Variants in SV2B observed in about 807,000 individuals in gnomAD.
The protein encoded by SV2B is solute carrier family 22 member B2.
Under a neutral mutation model 73.9 loss-of-function variants are expected in SV2B, and 41 were observed. The observed-to-expected ratio is 0.56, with a 90% confidence interval of 0.43 to 0.72. The LOEUF (loss-of-function observed/expected upper bound fraction) is 0.72. SV2B is among the 30% of genes least tolerant of loss of function. The probability of loss-of-function intolerance (pLI) is 0.00; values close to 1 mark genes in which losing one functional copy is unlikely to be tolerated. For synonymous variants in SV2B, 314 were observed against 314.2 expected (o/e 1.00, Z 0.01); for missense variants, 764 against 857.8 (o/e 0.89, Z 1.37).
chr15:91,142,871 C>T (rs1425208258), intron 1 of SV2B, among the ~76,000 whole-genome samples: 1 of 152,230 alleles, frequency 6.6e-6, no homozygotes, highest in African/African-American at 2.4e-5. Flanking sequence ...TTTAATTCAA[C>T]AAGAAAATCA....
In SV2B at chr15:91,292,616, T is replaced by G; in HGVS notation, c.*64T>G. 1 of 1,550,408 alleles carries G rather than the reference T, an allele frequency of 6.4e-7. No individual in the cohort carries two copies. The highest frequency in any genetic ancestry group is 8.7e-7 in the Non-Finnish European group (1 of 1,149,602). ...CCAGGACACTGAAATGCATCCACAC[T>G]TCCTGCCTATCACGGTCCGGAGGAC... On this transcript the variant is annotated 3_prime_UTR_variant, in exon 13 of 13. Transcript: ENST00000394232.
intron 9 of SV2B, among the ~76,000 whole-genome samples, chr15:91,270,917 C>CGGATGGTGAGTCCTGTGGAT (rs1567417955): frequency 1.2e-5 from 1 of 85,012 alleles, no homozygotes; most frequent in African/African-American, 5.5e-5. Context: ...GTCCTGTGGA[C>CGGATGGTGAGTCCTGTGGAT]GATGGGAGGA....
chr15:91,296,117 G>C lies in SV2B; in HGVS notation c.*3565G>C, dbSNP rs1459144640. Reference sequence around the variant, plus strand: ...ATGATGCCCTTGCCCATTTTCTACAGACCTAATCGATTTTTACCTAATCAG... The same window carrying C: ...ATGATGCCCTTGCCCATTTTCTACACACCTAATCGATTTTTACCTAATCAG... On this transcript the variant is annotated 3_prime_UTR_variant, in exon 13 of 13. Transcript: ENST00000394232. 1 of 151,874 alleles carries C rather than the reference G, an allele frequency of 6.6e-6. No homozygotes were observed. The highest frequency in any genetic ancestry group is 1.9e-4 in the East Asian group (1 of 5,176). 9.4% of individuals were successfully genotyped at this position (151,874 alleles called of 1,614,324 possible).
Position 91,296,495 on chromosome 15 carries a change from G to C in SV2B, c.*3943G>C, listed in dbSNP as rs1345010255. ...GCACACTCCTTCTGCCTGATCGTTG[G>C]GAGCACACTCCTGCCTGATCATGGG... On this transcript the variant is annotated 3_prime_UTR_variant, in exon 13 of 13. Coordinates refer to ENST00000394232, the MANE Select transcript of SV2B (RefSeq NM_001323032.3). The C allele has an allele frequency of 6.6e-6, 1 of 151,906 alleles. No individual in the cohort carries two copies. The highest frequency in any genetic ancestry group is 2.4e-5 in the African/African-American group (1 of 41,190). 9.4% of individuals were successfully genotyped at this position (151,906 alleles called of 1,614,324 possible). A position where few individuals can be genotyped will look rare whatever the true frequency, so the allele number is the denominator to read the frequency against.
chr15:91,156,213 G>A (rs2043485030), intron 1 of SV2B, among the ~76,000 whole-genome samples: 1 of 152,144 alleles, frequency 6.6e-6, no homozygotes, highest in African/African-American at 2.4e-5. Flanking sequence ...GCCTCAGTAA[G>A]CTTGCATTCT....
intron 1 of SV2B, among the ~76,000 whole-genome samples, chr15:91,175,995 T>A (rs113372062): frequency 6.6e-6 from 1 of 151,906 alleles, no homozygotes. Context: ...CCCATTAACT[T>A]GTCATTTAGC....
intron 1 of SV2B, among the ~76,000 whole-genome samples, chr15:91,175,630 T>G (rs1174311898): frequency 6.6e-6 from 1 of 152,050 alleles, no homozygotes; most frequent in East Asian, 1.9e-4. Flanking sequence ...TTAAGTATTT[T>G]AAAAGAAGAC....
intron 1 of SV2B, among the ~76,000 whole-genome samples, chr15:91,159,438 T>G (rs2043631176): frequency 6.6e-6 from 1 of 152,122 alleles, no homozygotes; most frequent in Admixed American, 6.6e-5. Flanking sequence ...GCCAAATAAT[T>G]GCATTAACAA....
chr15:91,223,626 T>G lies in SV2B; in HGVS notation c.-391-2247T>G, dbSNP rs143357727. 6.6e-6 allele frequency among the ~76,000 whole-genome samples: 1 copy of G among 152,312 alleles called. No homozygotes were observed. Among genetic ancestry groups the G allele is most frequent in the East Asian group, 1.9e-4 (1 of 5,192 alleles). On this transcript the variant is annotated intron_variant, in intron 1 of 12. Coordinates refer to ENST00000394232, the MANE Select transcript of SV2B (RefSeq NM_001323032.3). The surrounding 1 kb of genome is among the most constrained non-coding windows in gnomAD (Gnocchi z 4.6). ...AGTCAGGTGGCGTTCTTTCCATGTTTTTATAGCGCTCTGCAAACTCTCCTG... is the reference window on the plus strand; with the variant it reads ...AGTCAGGTGGCGTTCTTTCCATGTTGTTATAGCGCTCTGCAAACTCTCCTG...
chr15:91,185,864 C>A (rs7173590), intron 1 of SV2B, among the ~76,000 whole-genome samples: 33 of 152,224 alleles, frequency 2.2e-4, no homozygotes, highest in African/African-American at 8.0e-4. Flanking sequence ...AACTCCTGGT[C>A]CCAAGCTCCA....
Position 91,214,909 on chromosome 15 carries a change from A to G in SV2B, c.-391-10964A>G, listed in dbSNP as rs571417610. 6.6e-6 allele frequency among the ~76,000 whole-genome samples: 1 copy of G among 152,320 alleles called. No individual in the cohort carries two copies. The highest frequency in any genetic ancestry group is 6.5e-5 in the Admixed American group (1 of 15,304). Reference sequence around the variant, plus strand: ...TCTGCCAGGCAGTTCTGTTTTGGATAAACTACAAGAGACGCTGCTCAGTGA... The same window carrying G: ...TCTGCCAGGCAGTTCTGTTTTGGATGAACTACAAGAGACGCTGCTCAGTGA... On this transcript the variant is annotated intron_variant, in intron 1 of 12. Transcript: ENST00000394232. This position sits in a 1 kb window ranked among gnomAD's most constrained non-coding sequence, Gnocchi z 4.7.
At position 91,117,372 on chromosome 15, in the gene SV2B, C is replaced by T. The variant is rs181720466; in HGVS notation, c.-392+17009C>T. On this transcript the variant is annotated intron_variant, in intron 1 of 12. Coordinates refer to ENST00000394232, the MANE Select transcript of SV2B (RefSeq NM_001323032.3). ...GCTCAGCACAATGTTGGACATATAG[C>T]GAGGGTATTAATTAGCTGCTACTGT... Among the ~76,000 whole-genome samples the T allele has an allele frequency of 3.5e-4, 53 of 152,320 alleles. No individual in the cohort carries two copies. In the East Asian group the frequency reaches 9.1e-3, roughly 26 times the overall value.
intron 1 of SV2B, among the ~76,000 whole-genome samples, chr15:91,159,143 G>C (rs1455167002): frequency 1.3e-5 from 2 of 152,098 alleles, no homozygotes; most frequent in African/African-American, 2.4e-5. Context: ...GCTTTAGAGA[G>C]CTCAGCTACT....
chr15:91,112,564 CT>C (rs1014624231), intron 1 of SV2B, among the ~76,000 whole-genome samples: 16 of 152,288 alleles, frequency 1.1e-4, no homozygotes, highest in African/African-American at 3.9e-4. Flanking sequence ...GTGGAAAGTT[CT>C]GTTTGAAAAA....
chr15:91,158,917 T>C (rs1221163267), intron 1 of SV2B, among the ~76,000 whole-genome samples: 2 of 151,794 alleles, frequency 1.3e-5, no homozygotes, highest in Non-Finnish European at 2.9e-5. Context: ...GTTTGCCCTT[T>C]TGCAAATTTA....
At chr15:91,179,104 G>C (rs1354940575) in intron 1 of SV2B, among the ~76,000 whole-genome samples, 1 of 151,724 alleles carries the variant, frequency 6.6e-6, no homozygotes, top group Non-Finnish European at 1.5e-5. Flanking sequence ...CTTTGTTCTC[G>C]TTGGTTTCAA....
Position 91,273,897 on chromosome 15 carries a change from A to G in SV2B, c.1373+5292A>G, listed in dbSNP as rs199952405. ...CTTTTTGCATATACATGTGTATCATAAACATTGTACAGCAGTCTTTTGAAT... is the reference window on the plus strand; with the variant it reads ...CTTTTTGCATATACATGTGTATCATGAACATTGTACAGCAGTCTTTTGAAT... On this transcript the variant is annotated intron_variant, in intron 9 of 12. Transcript: ENST00000394232. Among the ~76,000 whole-genome samples, 10 of 152,322 alleles carry G rather than the reference A, an allele frequency of 6.6e-5. No individual in the cohort carries two copies. The East Asian group carries it at 1.9e-3, about 29-fold the overall frequency.
chr15:91,133,898 G>A (rs1010775115), intron 1 of SV2B, among the ~76,000 whole-genome samples: 9 of 151,986 alleles, frequency 5.9e-5, no homozygotes, highest in Non-Finnish European at 8.8e-5. Flanking sequence ...GCTCGGAAAC[G>A]TCCACATGCA....
rs945985138 is a variant in SV2B at position 91,288,501 on chromosome 15, G to C, written c.1709-1020G>C. Among the ~76,000 whole-genome samples, 1 of 151,788 alleles carries C rather than the reference G, an allele frequency of 6.6e-6. No individual in the cohort carries two copies. The highest frequency in any genetic ancestry group is 2.4e-5 in the African/African-American group (1 of 41,258). ...CTGTGTAGTAGATCTCGAAAAGTGA[G>C]ATGATGCAGATGTTTCTGTGCCTGG... On this transcript the variant is annotated intron_variant, in intron 11 of 12. Coordinates refer to ENST00000394232, the MANE Select transcript of SV2B (RefSeq NM_001323032.3). This position sits in a 1 kb window ranked among gnomAD's most constrained non-coding sequence, Gnocchi z 5.8.
Sources: gnomAD v4.1 joint callset for allele counts (sites outside exome capture counted in the v4.1 genomes callset) on GRCh38, gnomAD v4.1.1 for gene constraint, Gnocchi (gnomAD v3.1) non-coding constraint, MANE v1.5 for transcripts, NCBI Gene and HGNC (gene_info 2026-07-23, HGNC 2026-07-21) for gene names.